MREG: variants seen among roughly 807,000 people sequenced by gnomAD.
MREG encodes dilute suppressor protein homolog.
MREG carries 31 observed loss-of-function variants against 28.5 expected under a neutral mutation model. The observed-to-expected ratio is 1.09, with a 90% confidence interval of 0.82 to 1.47. The LOEUF (loss-of-function observed/expected upper bound fraction) is 1.47. Among genes scored for constraint, MREG ranks in the 40% most tolerant of loss-of-function variants. MREG has a pLI of 0.00. For synonymous variants in MREG, 106 were observed against 95.2 expected (o/e 1.11, Z -0.66); for missense variants, 256 against 257.4 (o/e 0.99, Z 0.04).
At chr2:215,972,349 A>G (rs1354216569) in intron 2 of MREG, among the ~76,000 whole-genome samples, 19 of 152,226 alleles carry the variant, frequency 1.2e-4, no homozygotes. Context: ...ATAGGATTAA[A>G]AAGAGCTGTG....
At chr2:215,993,658 A>C (rs1693780753) in intron 2 of MREG, among the ~76,000 whole-genome samples, 1 of 152,220 alleles carries the variant, frequency 6.6e-6, no homozygotes, top group African/African-American at 2.4e-5. Flanking sequence ...AATTTTTGCA[A>C]TCTATCTATC....
Position 215,944,541 on chromosome 2 carries a change from T to G in MREG, c.*322A>C. The G allele has an allele frequency of 5.1e-6, 1 of 196,982 alleles. No individual in the cohort carries two copies. The highest frequency in any genetic ancestry group is 1.1e-4 in the East Asian group (1 of 8,706). The allele number at this position is 196,982 out of a possible 1,614,324, so 12.2% of individuals were successfully genotyped here. On this transcript the variant is annotated 3_prime_UTR_variant, in exon 5 of 5. Transcript: ENST00000263268. ...AAATAGTCCACTCAGTCAGTAGGAT[T>G]AATGATCAGAGATTATGACACAACT...
chr2:216,010,984 T>C (rs1694290802), intron 1 of MREG, among the ~76,000 whole-genome samples: 1 of 150,990 alleles, frequency 6.6e-6, no homozygotes, highest in Non-Finnish European at 1.5e-5. Context: ...TAGTCCCAGC[T>C]ACTCGGGAGG....
At position 215,989,840 on chromosome 2, in the gene MREG, T is replaced by C. The variant is rs150255239; in HGVS notation, c.255+6466A>G. 4.9e-3 allele frequency among the ~76,000 whole-genome samples: 747 copies of C among 151,574 alleles called. 4 individuals are homozygous for C. The highest frequency in any genetic ancestry group is 0.017 in the African/African-American group (710 of 41,318). On this transcript the variant is annotated intron_variant, in intron 2 of 4. Transcript: ENST00000263268. ...ATGAAATAAAGCATGAAGACAAGAT[T>C]AGAGAAAAAAGAATGAAAAGGAGTA...
At chr2:216,022,813 CAG>C (rs1419452744) in intron 1 of MREG, among the ~76,000 whole-genome samples, 5 of 152,164 alleles carry the variant, frequency 3.3e-5, no homozygotes, top group Non-Finnish European at 1.5e-5. Flanking sequence ...GAAGCAGAAG[CAG>C]AGTTTCTAAG....
intron 1 of MREG, among the ~76,000 whole-genome samples, chr2:216,023,771 G>A (rs1227679890): frequency 2.6e-5 from 4 of 152,124 alleles, no homozygotes; most frequent in Non-Finnish European, 5.9e-5. Flanking sequence ...GGGTTGAAGC[G>A]ATTCTCCTGC....
chr2:215,951,961 C>G (rs1017739559), intron 2 of MREG, among the ~76,000 whole-genome samples: 1 of 152,224 alleles, frequency 6.6e-6, no homozygotes, highest in African/African-American at 2.4e-5. Flanking sequence ...GACTGTTCTA[C>G]TCTGCTTCTA....
intron 3 of MREG, among the ~76,000 whole-genome samples, chr2:215,946,278 AT>A (rs1202723361): frequency 6.6e-6 from 1 of 151,750 alleles, no homozygotes; most frequent in Non-Finnish European, 1.5e-5. Flanking sequence ...AATACTAGAT[AT>A]GCAAAGAGGG....
intron 2 of MREG, among the ~76,000 whole-genome samples, chr2:215,947,445 A>T (rs1213599319): frequency 6.6e-6 from 1 of 152,232 alleles, no homozygotes; most frequent in East Asian, 1.9e-4. Flanking sequence ...TGTTATAAAG[A>T]TTGATGGCAT....
At chr2:215,959,988 C>G (rs941235775) in intron 2 of MREG, among the ~76,000 whole-genome samples, 1 of 151,402 alleles carries the variant, frequency 6.6e-6, no homozygotes, top group Non-Finnish European at 1.5e-5. Context: ...CGGAGTCTCG[C>G]TCTGTCGCAC....
At chr2:216,032,472 G>A (rs1694724579) in intron 1 of MREG, among the ~76,000 whole-genome samples, 1 of 152,238 alleles carries the variant, frequency 6.6e-6, no homozygotes. Context: ...GCTTATGCTA[G>A]AGCTGACTAA....
At chr2:215,972,617 G>T in intron 2 of MREG, among the ~76,000 whole-genome samples, 1 of 103,668 alleles carries the variant, frequency 9.6e-6, no homozygotes, top group South Asian at 3.1e-4. Flanking sequence ...CTCTCTCCCA[G>T]AAAAAAAAAA....
At chr2:216,009,268 T>C (rs1004255345) in intron 1 of MREG, among the ~76,000 whole-genome samples, 12 of 152,068 alleles carry the variant, frequency 7.9e-5, no homozygotes, top group African/African-American at 2.9e-4. Context: ...TTATCCAACA[T>C]GTATGTTAGC....
upstream of MREG, among the ~76,000 whole-genome samples, chr2:216,017,773 GC>G (rs1259413797): frequency 1.3e-5 from 2 of 152,108 alleles, no homozygotes; most frequent in Non-Finnish European, 2.9e-5. Flanking sequence ...GAATTTGGAG[GC>G]CCCTCTCTTT....
At chr2:215,942,156 T>C (rs1692205370), downstream of MREG, among the ~76,000 whole-genome samples, 1 of 152,232 alleles carries the variant, frequency 6.6e-6, no homozygotes, top group African/African-American at 2.4e-5. Context: ...GGTTTTCTCC[T>C]GGTGCATTTT....
chr2:215,973,091 G>A (rs1338712359), intron 2 of MREG, among the ~76,000 whole-genome samples: 1 of 152,172 alleles, frequency 6.6e-6, no homozygotes, highest in African/African-American at 2.4e-5. Flanking sequence ...GGATGATAGG[G>A]CAAGAACCCT....
intron 1 of MREG, among the ~76,000 whole-genome samples, chr2:215,998,915 A>T (rs879437196): frequency 3.5e-4 from 51 of 146,238 alleles, no homozygotes; most frequent in African/African-American, 1.1e-3. Context: ...ACATTTTTTT[A>T]AAAAAAGTCT....
intron 1 of MREG, among the ~76,000 whole-genome samples, chr2:216,021,601 T>G (rs1250604739): frequency 6.6e-6 from 1 of 152,134 alleles, no homozygotes; most frequent in Non-Finnish European, 1.5e-5. Context: ...TAGTCACCCC[T>G]TTTCCAGAGG....
At chr2:215,939,741 T>A (rs1025861980), downstream of MREG, 1 of 152,218 alleles carries the variant, frequency 6.6e-6, no homozygotes, top group Admixed American at 6.5e-5. Context: ...TTGATGAAGA[T>A]AATTGAAATG....
Sources: allele counts gnomAD v4.1 joint callset (sites outside exome capture counted in the v4.1 genomes callset), GRCh38; gene constraint gnomAD v4.1.1; transcripts MANE v1.5; gene names NCBI Gene and HGNC (gene_info 2026-07-23, HGNC 2026-07-21).